The following WDR7 variants were observed in gnomAD, a reference collection of about 807,000 sequenced individuals.
The protein encoded by WDR7 is WD repeat domain 7, also known as WD repeat-containing protein 7.
WDR7 carries 46 observed loss-of-function variants against 169.4 expected under a neutral mutation model. The observed-to-expected ratio is 0.27, with a 90% CI of 0.21 to 0.35. The LOEUF is 0.35. WDR7 is among the 10% of genes least tolerant of loss of function. The pLI, the probability that WDR7 is intolerant of heterozygous loss-of-function variation, is 1.00. For synonymous variants in WDR7, 612 were observed against 666.8 expected, an observed-to-expected ratio of 0.92 and a Z score of 1.27; for missense variants, 1,534 against 1,859.3, an observed-to-expected ratio of 0.83 and a Z score of 3.22.
At chr18:56,705,682 T>G (rs568465548) in intron 12 of WDR7, among the ~76,000 whole-genome samples, 7 of 152,092 alleles carry the variant, frequency 4.6e-5, no homozygotes, top group Non-Finnish European at 1.0e-4. Context: ...CTGGCAGGAA[T>G]TGGACATACA....
intron 19 of WDR7, among the ~76,000 whole-genome samples, chr18:56,791,021 T>C (rs894923397): frequency 1.1e-4 from 17 of 152,202 alleles, no homozygotes; most frequent in African/African-American, 4.1e-4. Context: ...CTGTAAAACT[T>C]ACCTATCACT....
chr18:57,007,780 C>T (rs1416097166), intron 26 of WDR7, among the ~76,000 whole-genome samples: 3 of 152,036 alleles, frequency 2.0e-5, no homozygotes, highest in Non-Finnish European at 4.4e-5. Context: ...TTCTGCCCAC[C>T]CCTTATACTG....
At chr18:56,664,047 A>G (rs1006265521) in intron 1 of WDR7, among the ~76,000 whole-genome samples, 3 of 152,200 alleles carry the variant, frequency 2.0e-5, no homozygotes, top group Non-Finnish European at 4.4e-5. Flanking sequence ...ATGTCACACT[A>G]GCAGCTATAA....
intron 26 of WDR7, among the ~76,000 whole-genome samples, chr18:56,970,627 C>T (rs1270020668): frequency 6.6e-6 from 1 of 152,172 alleles, no homozygotes; most frequent in Non-Finnish European, 1.5e-5. Flanking sequence ...TCAGCATCCC[C>T]TGCGCGAGTG....
intron 1 of WDR7, among the ~76,000 whole-genome samples, chr18:56,655,618 C>CA (rs56899358): frequency 1.1e-3 from 141 of 133,994 alleles, no homozygotes; most frequent in African/African-American, 4.1e-3. Flanking sequence ...GACCCTGTCT[C>CA]AAAAAAAAAA....
intron 20 of WDR7, among the ~76,000 whole-genome samples, chr18:56,873,059 C>T (rs1055684303): frequency 6.6e-6 from 1 of 152,140 alleles, no homozygotes; most frequent in African/African-American, 2.4e-5. Context: ...GCAGGATGGG[C>T]ATCTCTCCCT....
chr18:56,779,142 T>C (rs1431599959), intron 17 of WDR7, among the ~76,000 whole-genome samples: 1 of 152,234 alleles, frequency 6.6e-6, no homozygotes, highest in Non-Finnish European at 1.5e-5. Flanking sequence ...TTAGAGGGAC[T>C]GTTAAGAAAT....
chr18:56,922,215 A>T (rs1218612373), intron 21 of WDR7, among the ~76,000 whole-genome samples: 1 of 152,174 alleles, frequency 6.6e-6, no homozygotes, highest in African/African-American at 2.4e-5. Flanking sequence ...GCTGTATTAG[A>T]AATATTCTGA....
intron 12 of WDR7, among the ~76,000 whole-genome samples, chr18:56,702,882 T>C (rs1233730403): frequency 6.6e-6 from 1 of 152,222 alleles, no homozygotes; most frequent in Non-Finnish European, 1.5e-5. Flanking sequence ...CTCATTTACA[T>C]TGACGATTAA....
At chr18:57,019,778 A>G (rs2048261130) in intron 26 of WDR7, among the ~76,000 whole-genome samples, 1 of 152,110 alleles carries the variant, frequency 6.6e-6, no homozygotes, top group South Asian at 2.1e-4. Context: ...ATTCTTTATC[A>G]AAAATGACAG....
chr18:56,938,844 A>AGTGT (rs2046996251), intron 24 of WDR7, among the ~76,000 whole-genome samples, 162 bp downstream of exon 24: 1 of 88,666 alleles, frequency 1.1e-5, no homozygotes, highest in Non-Finnish European at 2.8e-5. Flanking sequence ...TGTGTGTGTA[A>AGTGT]GAGAGAGATA....
At chr18:57,032,536 T>G (rs1034522761), downstream of WDR7, 15 of 152,184 alleles carry the variant, frequency 9.9e-5, no homozygotes, top group African/African-American at 3.6e-4. Context: ...AAGTTTCATC[T>G]GTATTTACAG....
chr18:56,816,724 T>C (rs1056038230), intron 20 of WDR7, among the ~76,000 whole-genome samples: 2 of 152,174 alleles, frequency 1.3e-5, no homozygotes, highest in African/African-American at 4.8e-5. Flanking sequence ...TTTTATACTC[T>C]TAAGGCAGTT....
In WDR7 at chr18:56,671,410, T is replaced by A. The variant is rs543341789; in HGVS notation, c.-19-1087T>A. On this transcript the variant is annotated intron_variant, in intron 1 of 27. Transcript: ENST00000254442. ...TTCAAGCCTCTCAAGTAGCTGGGTT[T>A]ACAGGCACCTGCCACCATGCCTGGC... 5.9e-5 allele frequency among the ~76,000 whole-genome samples: 9 copies of A among 152,088 alleles called. No individual in the cohort carries two copies. In the South Asian group the frequency reaches 1.9e-3, roughly 32 times the overall value.
rs539464928 is a variant in WDR7 at position 56,737,911 on chromosome 18, C to T, written c.1989+6314C>T. Among the ~76,000 whole-genome samples, 277 of 151,936 alleles carry T rather than the reference C, an allele frequency of 1.8e-3. 1 individual carries two copies. Among genetic ancestry groups the T allele is most frequent in the Middle Eastern group, 6.8e-3 (2 of 294 alleles). ...AATTAAATTTGTTTAACATTCTGTCCCAAAACTTTAATGAATATTTTAATA... is the reference window on the plus strand; with the variant it reads ...AATTAAATTTGTTTAACATTCTGTCTCAAAACTTTAATGAATATTTTAATA... On this transcript the variant is annotated intron_variant, in intron 14 of 27. Coordinates refer to ENST00000254442, the MANE Select transcript of WDR7 (RefSeq NM_015285.3).
intron 25 of WDR7, among the ~76,000 whole-genome samples, chr18:56,946,222 G>A (rs1359891483): frequency 1.3e-5 from 2 of 152,122 alleles, no homozygotes. Flanking sequence ...GTTCTCCTCC[G>A]GGGTTTCCTT....
At chr18:56,773,412 G>A (rs1469144626) in intron 16 of WDR7, among the ~76,000 whole-genome samples, 2 of 151,296 alleles carry the variant, frequency 1.3e-5, no homozygotes, top group African/African-American at 4.8e-5. Flanking sequence ...ATAGTTAAAT[G>A]TATTGGTATA....
At chr18:56,944,035 C>CT (rs1336070949) in intron 25 of WDR7, among the ~76,000 whole-genome samples, 1 of 127,282 alleles carries the variant, frequency 7.9e-6, no homozygotes, top group African/African-American at 3.2e-5. Context: ...CCTTGCCAGG[C>CT]TGGAGTGCAG....
intron 21 of WDR7, among the ~76,000 whole-genome samples, chr18:56,897,779 TTCTC>T (rs1402331323): frequency 1.3e-5 from 2 of 152,048 alleles, no homozygotes; most frequent in African/African-American, 4.8e-5. Context: ...ATAAAAATGT[TTCTC>T]TCAGTTACAA....
Sources: gnomAD v4.1 joint callset for allele counts (sites outside exome capture counted in the v4.1 genomes callset) on GRCh38, gnomAD v4.1.1 for gene constraint, MANE v1.5 for transcripts, NCBI Gene and HGNC (gene_info 2026-07-23, HGNC 2026-07-21) for gene names.